The following ATAD1 variants were observed in gnomAD, a reference collection of about 807,000 sequenced individuals.
ATAD1 encodes ATPase family AAA domain containing 1.
Under a neutral mutation model 42.7 loss-of-function variants are expected in ATAD1, and 18 were observed. That is an observed-to-expected ratio of 0.42 (90% CI 0.29 to 0.63). The LOEUF (loss-of-function observed/expected upper bound fraction) is 0.63, where lower values mean the gene tolerates loss of function less well. ATAD1 is among the 20% of genes least tolerant of loss of function. ATAD1 has a pLI of 0.19. For missense variants in ATAD1, 294 were observed against 440.4 expected (o/e 0.67, Z 2.98); for synonymous variants, 132 against 143.1 (o/e 0.92, Z 0.55).
At chr10:87,795,327 G>A (rs892220039) in intron 2 of ATAD1, among the ~76,000 whole-genome samples, 2 of 151,946 alleles carry the variant, frequency 1.3e-5, no homozygotes, top group African/African-American at 4.8e-5. Flanking sequence ...GCCTAGTTTT[G>A]ACACTTTTAA....
chr10:87,839,046 G>A (rs925384051), intron 1 of ATAD1, among the ~76,000 whole-genome samples: 1 of 152,024 alleles, frequency 6.6e-6, no homozygotes, highest in African/African-American at 2.4e-5. Context: ...ACCTGTACAT[G>A]TTTTCTGCAA....
At chr10:87,763,778 AAAAT>A (rs1854608529) in intron 8 of ATAD1, among the ~76,000 whole-genome samples, 1 of 152,168 alleles carries the variant, frequency 6.6e-6, no homozygotes, top group Non-Finnish European at 1.5e-5. Flanking sequence ...ATCTCTTTAA[AAAAT>A]AAATAAATCA....
At chr10:87,826,413 G>A (rs1392581390) in intron 1 of ATAD1, among the ~76,000 whole-genome samples, 1 of 152,194 alleles carries the variant, frequency 6.6e-6, no homozygotes, top group Non-Finnish European at 1.5e-5. Context: ...CCATTTCTTT[G>A]TGCCTTCTGA....
chr10:87,829,865 T>C (rs1857797786), intron 1 of ATAD1, among the ~76,000 whole-genome samples: 1 of 152,240 alleles, frequency 6.6e-6, no homozygotes, highest in African/African-American at 2.4e-5. Flanking sequence ...ATGTGAACAT[T>C]GTTGAAATAA....
chr10:87,813,942 C>A (rs1564781925), intron 2 of ATAD1, among the ~76,000 whole-genome samples: 1 of 151,924 alleles, frequency 6.6e-6, no homozygotes, highest in Non-Finnish European at 1.5e-5. Context: ...GAAATGAACA[C>A]AAGAGGCAGC....
chr10:87,774,612 G>C (rs1354865899), intron 6 of ATAD1, among the ~76,000 whole-genome samples: 1 of 152,022 alleles, frequency 6.6e-6, no homozygotes, highest in Non-Finnish European at 1.5e-5. Context: ...AATTATCCAG[G>C]ACATAGCACA....
chr10:87,805,586 C>T (rs1856884997), intron 2 of ATAD1, among the ~76,000 whole-genome samples: 1 of 152,092 alleles, frequency 6.6e-6, no homozygotes, highest in African/African-American at 2.4e-5. Context: ...CAACCTCCTC[C>T]ACTCACTCAC....
At position 87,832,046 on chromosome 10, in the gene ATAD1, A is replaced by C. The variant is rs186074644; in HGVS notation, c.-14+9141T>G. On this transcript the variant is annotated intron_variant, in intron 1 of 4. Transcript: ENST00000495903. ...TCGTACTCATTATGCTCTGTTCCCA[A>C]ATTTTTCTGTTACATAGATTGTTAT... 3 of 147,358 alleles carry C rather than the reference A, an allele frequency of 2.0e-5. No homozygotes were observed. The East Asian group carries it at 5.9e-4, about 29-fold the overall frequency. The allele number at this position is 147,358 out of a possible 1,614,324, so 9.1% of individuals were successfully genotyped here.
At chr10:87,798,629 T>G (rs920228742) in intron 2 of ATAD1, among the ~76,000 whole-genome samples, 6 of 147,204 alleles carry the variant, frequency 4.1e-5, no homozygotes, top group African/African-American at 1.3e-4. Flanking sequence ...ATAGGGGGTG[T>G]GTGTGTGTGT....
At chr10:87,781,426 C>T (rs112109627) in intron 5 of ATAD1, among the ~76,000 whole-genome samples, 2 of 152,126 alleles carry the variant, frequency 1.3e-5, no homozygotes, top group Non-Finnish European at 2.9e-5. Flanking sequence ...GAAAGAATTG[C>T]CTTTATAATC....
chr10:87,767,377 A>G (rs1008300388), intron 8 of ATAD1, among the ~76,000 whole-genome samples: 2 of 151,988 alleles, frequency 1.3e-5, no homozygotes, highest in African/African-American at 4.8e-5. Flanking sequence ...TTATCATTAG[A>G]CTCTCATAAG....
chr10:87,832,299 T>A (rs1857846715), intron 1 of ATAD1: 1 of 151,442 alleles, frequency 6.6e-6, no homozygotes, highest in Non-Finnish European at 1.5e-5. Context: ...GAAGCTGAGG[T>A]GGGATGATCA....
intron 5 of ATAD1, among the ~76,000 whole-genome samples, chr10:87,783,400 C>T (rs948328441): frequency 1.3e-5 from 2 of 151,390 alleles, no homozygotes; most frequent in Non-Finnish European, 3.0e-5. Flanking sequence ...AATAAACTAG[C>T]TATATATTCC....
At chr10:87,768,365 C>T (rs1589474205) in intron 7 of ATAD1, among the ~76,000 whole-genome samples, 1 of 152,312 alleles carries the variant, frequency 6.6e-6, no homozygotes, top group East Asian at 1.9e-4. Flanking sequence ...CCTATTCCCA[C>T]AAACATCGAC....
intron 1 of ATAD1, among the ~76,000 whole-genome samples, chr10:87,829,891 A>G (rs536595968): frequency 6.6e-6 from 1 of 152,380 alleles, no homozygotes; most frequent in African/African-American, 2.4e-5. Context: ...GATTTAGAAT[A>G]TTAGCTGATA....
chr10:87,774,517 G>C (rs1855197285), intron 6 of ATAD1, among the ~76,000 whole-genome samples: 2 of 151,968 alleles, frequency 1.3e-5, no homozygotes, highest in African/African-American at 2.4e-5. Context: ...TTCTAAAACT[G>C]AAAAATATAA....
intron 2 of ATAD1, among the ~76,000 whole-genome samples, chr10:87,800,349 G>A (rs1856629204): frequency 6.6e-6 from 1 of 151,882 alleles, no homozygotes; most frequent in African/African-American, 2.4e-5. Flanking sequence ...CTTTTAAAGG[G>A]TGTGAAATTG....
intron 8 of ATAD1, among the ~76,000 whole-genome samples, chr10:87,758,649 TGAAA>T (rs1308546856): frequency 6.6e-6 from 1 of 152,152 alleles, no homozygotes. Flanking sequence ...AGTAAAAGAC[TGAAA>T]GACATCAACG....
intron 7 of ATAD1, among the ~76,000 whole-genome samples, chr10:87,768,879 T>G (rs1854895975): frequency 6.6e-6 from 1 of 151,816 alleles, no homozygotes; most frequent in African/African-American, 2.4e-5. Context: ...AGGCCAGGAG[T>G]TGAGACTAGC....
Sources: gnomAD v4.1 joint callset for allele counts (sites outside exome capture counted in the v4.1 genomes callset) on GRCh38, gnomAD v4.1.1 for gene constraint, MANE v1.5 for transcripts, NCBI Gene and HGNC (gene_info 2026-07-23, HGNC 2026-07-21) for gene names.